Variants in UXS1 observed in about 807,000 individuals in gnomAD.
UXS1 encodes the protein UDP-glucuronate decarboxylase 1, also known as UDP-glucuronic acid decarboxylase 1.
In UXS1, 33 loss-of-function variants were observed where a neutral mutation model predicts 62.6. The ratio of observed to expected loss-of-function variants is 0.53; its 90% confidence interval spans 0.40 to 0.70. The LOEUF is 0.70. UXS1 is among the 30% of genes least tolerant of loss of function. The pLI is 0.00. For missense variants in UXS1, 434 were observed against 556.3 expected (o/e 0.78, Z 2.21); for synonymous variants, 213 against 206.8 (o/e 1.03, Z -0.26).
chr2:106,097,229 C>T (rs1451321860), intron 13 of UXS1: 1 of 457,802 alleles, frequency 2.2e-6, no homozygotes, highest in Non-Finnish European at 4.4e-6. Context: ...AGGTGGATGC[C>T]CCAAGTGGGC....
At chr2:106,110,060 C>A (rs1001404157) in intron 10 of UXS1, among the ~76,000 whole-genome samples, 3 of 152,198 alleles carry the variant, frequency 2.0e-5, no homozygotes, top group Non-Finnish European at 2.9e-5. Flanking sequence ...AAGAGCAAGG[C>A]ATGATATCTC....
intron 14 of UXS1, among the ~76,000 whole-genome samples, chr2:106,096,206 ATGT>A (rs1677076988): frequency 6.7e-6 from 1 of 149,300 alleles, no homozygotes; most frequent in Non-Finnish European, 1.5e-5. Context: ...GTGTGTGTGT[ATGT>A]ATGTGGGAGA....
chr2:106,131,125 G>C lies in UXS1; in HGVS notation c.473-1347C>G, dbSNP rs1405376696. On this transcript the variant is annotated intron_variant, in intron 6 of 14. Coordinates refer to ENST00000283148, the MANE Select transcript of UXS1 (RefSeq NM_001253875.2). ...CAAGGGGTCAGGGAGTTCCCTTTCC[G>C]AGTCAAAGAAAGGGGTGACGGACGC... Among the ~76,000 whole-genome samples, 130 of 148,036 alleles carry C rather than the reference G, an allele frequency of 8.8e-4. 1 individual carries two copies. The East Asian group carries it at 9.9e-3, about 11-fold the overall frequency.
In UXS1 at chr2:106,114,595, T is replaced by G. The variant is rs543507182; in HGVS notation, c.760-1830A>C. Among the ~76,000 whole-genome samples, 10 of 152,314 alleles carry G rather than the reference T, an allele frequency of 6.6e-5. No individual in the cohort carries two copies. In the South Asian group the frequency reaches 1.9e-3, roughly 28 times the overall value. On this transcript the variant is annotated intron_variant, in intron 9 of 14. Coordinates refer to ENST00000283148, the MANE Select transcript of UXS1 (RefSeq NM_001253875.2). Reference sequence around the variant, plus strand: ...AAAAGCTCAATGGGTTAGGCAAAATTTGCAGCAAATCAAATGCTTTTATCT... The same window carrying G: ...AAAAGCTCAATGGGTTAGGCAAAATGTGCAGCAAATCAAATGCTTTTATCT...
intron 3 of UXS1, among the ~76,000 whole-genome samples, chr2:106,164,243 T>C (rs1448505201): frequency 6.6e-6 from 1 of 152,044 alleles, no homozygotes; most frequent in East Asian, 1.9e-4. Flanking sequence ...TAACCTCCCA[T>C]CCCCTCCCCC....
intron 10 of UXS1, among the ~76,000 whole-genome samples, chr2:106,106,440 GCTAT>G (rs981153905): frequency 2.0e-5 from 3 of 151,644 alleles, no homozygotes; most frequent in Non-Finnish European, 4.4e-5. Flanking sequence ...AGGTTCAAAG[GCTAT>G]CTCTGTTTTC....
chr2:106,151,934 G>A (rs1573519514), intron 5 of UXS1, among the ~76,000 whole-genome samples: 1 of 152,298 alleles, frequency 6.6e-6, no homozygotes, highest in East Asian at 1.9e-4. Flanking sequence ...ATTCAGGAGT[G>A]ACAATAATAT....
At chr2:106,183,168 T>C (rs1364416918) in intron 1 of UXS1, among the ~76,000 whole-genome samples, 3 of 151,182 alleles carry the variant, frequency 2.0e-5, no homozygotes, top group African/African-American at 7.3e-5. Context: ...TTTCCCTTGG[T>C]TACAACCAAG....
chr2:106,167,504 A>C (rs1683281373), intron 1 of UXS1, among the ~76,000 whole-genome samples: 1 of 152,160 alleles, frequency 6.6e-6, no homozygotes, highest in Non-Finnish European at 1.5e-5. Flanking sequence ...AATAGGATTC[A>C]GTATCCAAAC....
intron 6 of UXS1, among the ~76,000 whole-genome samples, chr2:106,143,408 CAAAAAAAAAAA>C (rs60493984): frequency 4.0e-3 from 155 of 38,662 alleles, no homozygotes; most frequent in African/African-American, 0.016. Flanking sequence ...GACTCCGTCT[CAAAAAAAAAAA>C]AAAAAAAAAA....
chr2:106,187,537 A>C (rs1684638119), intron 1 of UXS1, among the ~76,000 whole-genome samples: 1 of 152,200 alleles, frequency 6.6e-6, no homozygotes, highest in African/African-American at 2.4e-5. Context: ...ACCTCAGGGA[A>C]GTTTGAAGTC....
intron 1 of UXS1, among the ~76,000 whole-genome samples, chr2:106,189,596 G>C (rs1047699629): frequency 3.3e-5 from 5 of 152,184 alleles, no homozygotes; most frequent in African/African-American, 1.2e-4. Flanking sequence ...TCAAGCTCAG[G>C]GAGTGAGGAA....
At chr2:106,143,802 C>T (rs1681343671) in intron 6 of UXS1, among the ~76,000 whole-genome samples, 1 of 152,234 alleles carries the variant, frequency 6.6e-6, no homozygotes. Context: ...TCCTTCAAAG[C>T]CAGCCAGGGT....
At chr2:106,193,744 C>A (rs1396810491) in intron 1 of UXS1, among the ~76,000 whole-genome samples, 1 of 152,188 alleles carries the variant, frequency 6.6e-6, no homozygotes, top group Non-Finnish European at 1.5e-5. Context: ...TAACCGACAC[C>A]GCGGCGCGAC....
intron 9 of UXS1, among the ~76,000 whole-genome samples, chr2:106,120,785 G>C (rs1558695615): frequency 6.6e-6 from 1 of 152,206 alleles, no homozygotes; most frequent in Admixed American, 6.5e-5. Context: ...CAGCCATTCT[G>C]CAACTGTCTG....
intron 5 of UXS1, among the ~76,000 whole-genome samples, chr2:106,154,819 G>A (rs1682306136): frequency 6.6e-6 from 1 of 152,210 alleles, no homozygotes; most frequent in East Asian, 1.9e-4. Flanking sequence ...GAAAGCAGTG[G>A]ATGGCACATG....
chr2:106,138,230 C>G, intron 6 of UXS1: 1 of 985,490 alleles, frequency 1.0e-6, no homozygotes, highest in Non-Finnish European at 1.2e-6. Flanking sequence ...AAAGCTCAAT[C>G]CAGACGTCAG....
intron 9 of UXS1, among the ~76,000 whole-genome samples, chr2:106,121,698 C>T (rs1012859652): frequency 3.4e-4 from 52 of 152,278 alleles, no homozygotes; most frequent in African/African-American, 1.2e-3. Context: ...AGACTAAAGT[C>T]GCTTAGAAGG....
In UXS1 at chr2:106,107,329, G is replaced by A. The variant is rs528704291; in HGVS notation, c.880-2492C>T. Reference sequence around the variant, plus strand: ...GGCAGTGGCCTTCAACAAGCCAGCCGAGGCCAGTCTTCAGTCTGATCTAAA... The same window carrying A: ...GGCAGTGGCCTTCAACAAGCCAGCCAAGGCCAGTCTTCAGTCTGATCTAAA... On this transcript the variant is annotated intron_variant, in intron 10 of 14. Coordinates refer to ENST00000283148, the MANE Select transcript of UXS1 (RefSeq NM_001253875.2). Among the ~76,000 whole-genome samples the A allele has an allele frequency of 1.1e-4, 17 of 152,296 alleles. No homozygotes were observed. The East Asian group carries it at 1.2e-3, about 10-fold the overall frequency.
Sources: gnomAD v4.1 joint callset for allele counts (sites outside exome capture counted in the v4.1 genomes callset) on GRCh38, gnomAD v4.1.1 for gene constraint, MANE v1.5 for transcripts, NCBI Gene and HGNC (gene_info 2026-07-23, HGNC 2026-07-21) for gene names.